Variants in PTPRU observed in about 807,000 individuals in gnomAD.
PTPRU encodes the protein receptor-type tyrosine-protein phosphatase U.
In PTPRU, 69 loss-of-function variants were observed where a neutral mutation model predicts 166.3. The ratio of observed to expected loss-of-function variants is 0.41; its 90% CI spans 0.34 to 0.51. The LOEUF (loss-of-function observed/expected upper bound fraction) is 0.51. PTPRU is among the 20% of genes least tolerant of loss of function. The pLI is 0.09. For missense variants in PTPRU, 1,657 were observed against 2,013.7 expected (o/e 0.82, Z 3.39); for synonymous variants, 793 against 814.0 (o/e 0.97, Z 0.44).
Position 29,255,265 on chromosome 1 carries a change from G to A in PTPRU, c.74-10G>A, listed in dbSNP as rs1053841502. ...CCTTAGCCTGGGCTAACCAGGCCCTGCTCTCACAGCTGGCTGCACCTTCGA... is the reference window on the plus strand; with the variant it reads ...CCTTAGCCTGGGCTAACCAGGCCCTACTCTCACAGCTGGCTGCACCTTCGA... On this transcript the variant is annotated splice_polypyrimidine_tract_variant and intron_variant, in intron 1 of 29. Transcript: ENST00000373779. 18 of 1,612,514 alleles carry A rather than the reference G, an allele frequency of 1.1e-5. No individual in the cohort carries two copies. Among genetic ancestry groups the A allele is most frequent in the Non-Finnish European group, 1.5e-5 (18 of 1,179,058 alleles).
In PTPRU at chr1:29,260,978, C is replaced by T. The variant is rs552448795; in HGVS notation, c.1144+75C>T. On this transcript the variant is annotated intron_variant, in intron 7 of 29. Coordinates refer to ENST00000373779, the MANE Select transcript of PTPRU (RefSeq NM_133178.4). This position sits in a 1 kb window ranked among gnomAD's most constrained non-coding sequence, Gnocchi z 8.3. ...ATGGAGGGGCGCATTCGAGAGGTAG[C>T]GTGGCCTGTGCTTGTAAACCTTTCT... The T allele has an allele frequency of 2.8e-6, 4 of 1,420,750 alleles. No homozygotes were observed. The highest frequency in any genetic ancestry group is 2.8e-5 in the Admixed American group (1 of 35,458). The allele number at this position is 1,420,750 out of a possible 1,614,324, so 88.0% of individuals were successfully genotyped here.
chr1:29,301,657 A>G (rs1687138765), intron 15 of PTPRU, among the ~76,000 whole-genome samples: 1 of 152,100 alleles, frequency 6.6e-6, no homozygotes, highest in South Asian at 2.1e-4. Context: ...ATATGTATAC[A>G]TGTGCCATGT....
intron 11 of PTPRU, among the ~76,000 whole-genome samples, chr1:29,282,219 G>A (rs1485072176): frequency 6.6e-6 from 1 of 152,170 alleles, no homozygotes; most frequent in Non-Finnish European, 1.5e-5. Context: ...CTGAATGAAT[G>A]AATGAATGAA....
At chr1:29,303,031 ACT>A (rs1332781652) in intron 15 of PTPRU, among the ~76,000 whole-genome samples, 2 of 152,184 alleles carry the variant, frequency 1.3e-5, no homozygotes, top group East Asian at 3.9e-4. Context: ...GTGTAAATAC[ACT>A]CTGTGGTGTT....
At position 29,304,042 on chromosome 1, in the gene PTPRU, T is replaced by C. The variant is rs61733825; in HGVS notation, c.2664T>C (p.Tyr888=). Reference sequence around the variant, plus strand: ...AGGGTTACGGCTTCAAGCAGGAGTATGAGGTGCACGCCGGCCCCGGGCCAG... The same window carrying C: ...AGGGTTACGGCTTCAAGCAGGAGTACGAGGTGCACGCCGGCCCCGGGCCAG... ...TAEGYGFKQE[Y]ESFFEGWDAT... is the part of the protein sequence containing the mutation. Residue 888 remains tyrosine, a synonymous_variant, in exon 16 of 30, where the codon TAT becomes TAC. Coordinates refer to ENST00000373779, the MANE Select transcript of PTPRU (RefSeq NM_133178.4). The C allele has an allele frequency of 0.038, 61,721 of 1,603,478 alleles. 1,460 individuals carry two copies. Among genetic ancestry groups the C allele is most frequent in the African/African-American group, 0.088 (6,563 of 74,754 alleles).
In PTPRU at chr1:29,291,365, A is replaced by G. The variant is rs148924708; in HGVS notation, c.2319-504A>G. 8.2e-4 allele frequency among the ~76,000 whole-genome samples: 123 copies of G among 149,738 alleles called. 3 individuals carry two copies. In the East Asian group the frequency reaches 0.022, roughly 27 times the overall value. On this transcript the variant is annotated intron_variant, in intron 14 of 29. Coordinates refer to ENST00000373779, the MANE Select transcript of PTPRU (RefSeq NM_133178.4). The surrounding 1 kb of genome is among the most constrained non-coding windows in gnomAD (Gnocchi z 4.1). ...AGCACAAGCTAGACTCTCTGCGGGG[A>G]AGGAGGGGTGTAGTCCCTCCTTCCT...
intron 14 of PTPRU, among the ~76,000 whole-genome samples, chr1:29,288,940 G>A (rs1000885972): frequency 6.6e-6 from 1 of 152,196 alleles, no homozygotes; most frequent in Non-Finnish European, 1.5e-5. Context: ...TGTGCCCCAG[G>A]TGCTCCCAGA....
intron 27 of PTPRU, 30 bp from the exon 28 acceptor site, chr1:29,323,601 T>C: frequency 1.2e-6 from 2 of 1,613,244 alleles, no homozygotes; most frequent in Non-Finnish European, 1.7e-6. Context: ...GGTGCTCATG[T>C]CCTCCCTGGC....
intron 1 of PTPRU, among the ~76,000 whole-genome samples, chr1:29,246,319 T>A (rs1203651568): frequency 1.3e-5 from 2 of 152,260 alleles, no homozygotes; most frequent in East Asian, 3.8e-4. Context: ...GTTTTTGTTG[T>A]CAGCCCTACG....
At chr1:29,293,561 G>T (rs568437570) in intron 15 of PTPRU, among the ~76,000 whole-genome samples, 1 of 147,498 alleles carries the variant, frequency 6.8e-6, no homozygotes, top group Admixed American at 6.9e-5. Context: ...TGCAAGCTCC[G>T]CCTCCCGCAT....
In PTPRU at chr1:29,312,693, G is replaced by A; in HGVS notation, c.3214G>A (p.Val1072Ile). Residue 1072 changes from valine to isoleucine, a missense_variant, in exon 22 of 30, where the codon GTC (valine) becomes ATC (isoleucine). Val to Ile is a conservative substitution (Grantham distance 29). Transcript: ENST00000373779. ...ASTPPDAGPIVIHCSAGTGRT... is the reference protein window; with the variant it reads ...ASTPPDAGPIIIHCSAGTGRT... The stretch of plus-strand genomic sequence containing the variant: ...CACCCCACCTGATGCCGGGCCCATT[G>A]TCATCCACTGCAGGTGGGGGCACCG... 6.2e-7 allele frequency: 1 copy of A among 1,606,742 alleles called. No homozygotes were observed. Among genetic ancestry groups the A allele is most frequent in the Non-Finnish European group, 8.5e-7 (1 of 1,174,648 alleles).
At chr1:29,240,214 TCCTAG>T (rs1422509082) in intron 1 of PTPRU, among the ~76,000 whole-genome samples, 4 of 151,214 alleles carry the variant, frequency 2.6e-5, no homozygotes, top group Non-Finnish European at 5.9e-5. Context: ...TGATGCCCTG[TCCTAG>T]CCTAGGAAGT....
chr1:29,253,069 A>G (rs536388626), intron 1 of PTPRU, among the ~76,000 whole-genome samples: 1 of 152,348 alleles, frequency 6.6e-6, no homozygotes, highest in African/African-American at 2.4e-5. Flanking sequence ...GGAGCAGCTC[A>G]CAGAACTCAG....
chr1:29,307,028 C>T (rs879687626), intron 18 of PTPRU: 100 of 1,342,846 alleles, frequency 7.4e-5, no homozygotes, highest in Middle Eastern at 5.4e-4. Context: ...CTGCTCACAT[C>T]GCCCATTCTG....
In PTPRU at chr1:29,320,517, C is replaced by A; in HGVS notation, c.3688-168C>A. ...CTGGGCCCACCCTGTCAACCCAGGC[C>A]TCAGTGTGCCAACCAACATCAGAAA... On this transcript the variant is annotated intron_variant, in intron 25 of 29. Transcript: ENST00000373779. This position sits in a 1 kb window ranked among gnomAD's most constrained non-coding sequence, Gnocchi z 5.2. The A allele has an allele frequency of 1.4e-6, 1 of 723,588 alleles. No individual in the cohort carries two copies. The highest frequency in any genetic ancestry group is 2.0e-6 in the Non-Finnish European group (1 of 491,894). The allele number at this position is 723,588 out of a possible 1,614,324, so 44.8% of individuals were successfully genotyped here.
At position 29,240,096 on chromosome 1, in the gene PTPRU, C is replaced by T. The variant is rs986396071; in HGVS notation, c.73+3379C>T. On this transcript the variant is annotated intron_variant, in intron 1 of 29. Transcript: ENST00000373779. ...CTCCTCTCTGGGCCTTTGGGCAAGC[C>T]GTGCTTTCTCTGCAGAACTTTCTAA... Among the ~76,000 whole-genome samples, 8 of 152,144 alleles carry T rather than the reference C, an allele frequency of 5.3e-5. No homozygotes were observed. The South Asian group carries it at 1.0e-3, about 20-fold the overall frequency.
In PTPRU at chr1:29,280,110, A is replaced by C; in HGVS notation, c.1837A>C (p.Arg613=). ...TGAGAACACCATCACCGTGCTGCTG[A>C]GGCCGGCACAGGGCCGCGGTGCGCC... is the stretch of plus-strand genomic sequence containing the variant. ...ESENTITVLL[R]PAQGRGAPIS... Residue 613 remains arginine (R), a synonymous_variant, in exon 11 of 30, where the codon AGG becomes CGG. Transcript: ENST00000373779. The surrounding 1 kb of genome is among the most constrained non-coding windows in gnomAD (Gnocchi z 4.2). 3 of 1,613,392 alleles carry C rather than the reference A, an allele frequency of 1.9e-6. No homozygotes were observed. The highest frequency in any genetic ancestry group is 2.5e-6 in the Non-Finnish European group (3 of 1,179,888).
intron 7 of PTPRU, among the ~76,000 whole-genome samples, chr1:29,272,908 A>G (rs1481265527): frequency 6.9e-6 from 1 of 144,542 alleles, no homozygotes; most frequent in Non-Finnish European, 1.5e-5. Context: ...CCTTGTCTCA[A>G]AAAAAAAAAA....
At chr1:29,306,897 C>T (rs1287262899) in intron 18 of PTPRU, among the ~76,000 whole-genome samples, 2 of 152,184 alleles carry the variant, frequency 1.3e-5, no homozygotes, top group Non-Finnish European at 2.9e-5. Context: ...TTGGTGACAG[C>T]GGGCCTCTCC....
Sources: allele counts gnomAD v4.1 joint callset (sites outside exome capture counted in the v4.1 genomes callset), GRCh38; gene constraint gnomAD v4.1.1; non-coding constraint Gnocchi (gnomAD v3.1); transcripts MANE v1.5; gene names NCBI Gene and HGNC (gene_info 2026-07-23, HGNC 2026-07-21).